ATE1: variants seen among roughly 807,000 people sequenced by gnomAD.
ATE1 encodes the protein arginyltransferase 1.
A neutral mutation model predicts 70.5 loss-of-function variants in ATE1; 36 were observed. That is an observed-to-expected ratio of 0.51 (90% CI 0.39 to 0.67). ATE1 has a LOEUF of 0.67. Among genes scored for constraint, ATE1 ranks in the 30% least tolerant of loss-of-function variants. ATE1 has a pLI of 0.00. For missense variants in ATE1, 593 were observed against 629.5 expected (o/e 0.94, Z 0.62); for synonymous variants, 232 against 219.3 (o/e 1.06, Z -0.51).
At chr10:121,769,271 G>C (rs1483332210) in intron 11 of ATE1, among the ~76,000 whole-genome samples, 3 of 152,266 alleles carry the variant, frequency 2.0e-5, no homozygotes, top group Non-Finnish European at 4.4e-5. Context: ...TTTTGACAAA[G>C]TTGCAAAAGT....
intron 3 of ATE1, 79 bp downstream of exon 3, chr10:121,922,270 A>G: frequency 9.7e-7 from 1 of 1,032,936 alleles, no homozygotes. Flanking sequence ...ATAAACATTA[A>G]AAAAGCACAA....
At chr10:121,780,630 A>T (rs1382002488) in intron 11 of ATE1, among the ~76,000 whole-genome samples, 2 of 152,146 alleles carry the variant, frequency 1.3e-5, no homozygotes, top group African/African-American at 4.8e-5. Flanking sequence ...ATGATTTACA[A>T]ACCCTTTACT....
At chr10:121,828,306 T>C (rs57634166) in intron 10 of ATE1, among the ~76,000 whole-genome samples, 14,098 of 152,230 alleles carry the variant, frequency 0.093, 2,063 homozygotes, top group African/African-American at 0.31. Context: ...CAGTCATCCA[T>C]TGCTGAGTAA....
intron 10 of ATE1, among the ~76,000 whole-genome samples, chr10:121,830,409 C>T (rs2133691101): frequency 6.6e-6 from 1 of 152,280 alleles, no homozygotes; most frequent in Admixed American, 6.5e-5. Context: ...GCTCCAGTCT[C>T]CCTTCTGTTT....
chr10:121,763,503 G>A (rs886525231), intron 11 of ATE1, among the ~76,000 whole-genome samples: 2 of 152,166 alleles, frequency 1.3e-5, no homozygotes, highest in African/African-American at 4.8e-5. Context: ...AATCTGAAGA[G>A]GCTATATTAC....
At chr10:121,901,523 C>T (rs1950981802) in intron 6 of ATE1, among the ~76,000 whole-genome samples, 1 of 152,056 alleles carries the variant, frequency 6.6e-6, no homozygotes, top group Non-Finnish European at 1.5e-5. Flanking sequence ...GTGGTGTGAT[C>T]TCAGCTCGCT....
intron 11 of ATE1, 136 bp downstream of exon 11, chr10:121,790,033 C>CACAT: frequency 7.7e-7 from 1 of 1,290,582 alleles, no homozygotes. Context: ...CTATCTTACA[C>CACAT]ACACACACAC....
intron 11 of ATE1, among the ~76,000 whole-genome samples, chr10:121,772,255 A>C (rs1314179931): frequency 1.3e-5 from 2 of 152,072 alleles, no homozygotes; most frequent in East Asian, 3.9e-4. Flanking sequence ...AGGGCCAACT[A>C]CCCGCTTTTA....
intron 7 of ATE1, among the ~76,000 whole-genome samples, chr10:121,872,657 C>T (rs1949902625): frequency 6.6e-6 from 1 of 151,700 alleles, no homozygotes; most frequent in African/African-American, 2.4e-5. Flanking sequence ...ATATACACTG[C>T]AATTGAAAGC....
chr10:121,755,500 T>C (rs1374014149), intron 11 of ATE1, among the ~76,000 whole-genome samples: 2 of 152,218 alleles, frequency 1.3e-5, no homozygotes, highest in African/African-American at 2.4e-5. Flanking sequence ...TCCTGTAAAT[T>C]TGAAATTTAA....
chr10:121,928,429 C>T (rs933681760), upstream of ATE1: 5 of 1,520,542 alleles, frequency 3.3e-6, no homozygotes, highest in African/African-American at 7.2e-5. Context: ...CCACCGACGC[C>T]ATGGCCGCCG....
chr10:121,743,641 T>C lies in ATE1; in HGVS notation c.*39A>G, dbSNP rs1944218559. ...TGAATATGTATCCTGGCACAAATCA[T>C]CAGCACAACACAGGAACTTCCCGGC... On this transcript the variant is annotated 3_prime_UTR_variant, in exon 12 of 12. Coordinates refer to ENST00000224652, the MANE Select transcript of ATE1 (RefSeq NM_001001976.3). 3.3e-6 allele frequency: 5 copies of C among 1,537,714 alleles called. No homozygotes were observed. Among genetic ancestry groups the C allele is most frequent in the Non-Finnish European group, 3.5e-6 (4 of 1,145,262 alleles).
At chr10:121,765,003 G>A (rs565288006) in intron 11 of ATE1, among the ~76,000 whole-genome samples, 1 of 152,274 alleles carries the variant, frequency 6.6e-6, no homozygotes, top group East Asian at 1.9e-4. Flanking sequence ...CACTTTTTTA[G>A]AACCACCAAG....
chr10:121,743,370 T>TA lies in ATE1; in HGVS notation c.*309dup, dbSNP rs1158614634. The TA allele has an allele frequency of 3.8e-6, 1 of 263,166 alleles. No homozygotes were observed. The highest frequency in any genetic ancestry group is 1.1e-4 in the East Asian group (1 of 9,434). The allele number at this position is 263,166 out of a possible 1,614,324, so 16.3% of individuals were successfully genotyped here. A position where few individuals can be genotyped will look rare whatever the true frequency, so the allele number is the denominator to read the frequency against. On this transcript the variant is annotated 3_prime_UTR_variant, in exon 12 of 12. Transcript: ENST00000224652. Reference sequence around the variant, plus strand: ...AATGCACAACTGTGATTAAGTTACTTAGATTCACTTCTTCATTTTACAAAA... The same window carrying TA: ...AATGCACAACTGTGATTAAGTTACTTAAGATTCACTTCTTCATTTTACAAAA...
intron 11 of ATE1, among the ~76,000 whole-genome samples, chr10:121,774,842 A>G (rs997326209): frequency 3.3e-5 from 5 of 151,878 alleles, no homozygotes; most frequent in Non-Finnish European, 5.9e-5. Context: ...GACCCCCCCC[A>G]AAAAAATGAA....
At chr10:121,924,415 G>T in intron 1 of ATE1, 86 bp from the exon 2 acceptor site, 1 of 1,308,604 alleles carries the variant, frequency 7.6e-7, no homozygotes, top group Non-Finnish European at 1.1e-6. Flanking sequence ...AAATAGGAGT[G>T]TGTGTCCGGG....
chr10:121,756,912 C>T (rs2420961), intron 11 of ATE1, among the ~76,000 whole-genome samples: 124,263 of 152,098 alleles, frequency 0.82, 51,188 homozygotes, highest in Non-Finnish European at 0.88. Flanking sequence ...CATTCCACTC[C>T]TTGTTACTTA....
intron 10 of ATE1, among the ~76,000 whole-genome samples, chr10:121,809,245 G>A (rs771707496): frequency 6.6e-5 from 10 of 151,700 alleles, no homozygotes; most frequent in South Asian, 2.1e-4. Context: ...TGCTACATTC[G>A]TTTTGAGAAA....
chr10:121,859,039 G>A (rs1394414750), intron 8 of ATE1, among the ~76,000 whole-genome samples: 5 of 151,860 alleles, frequency 3.3e-5, no homozygotes, highest in Admixed American at 6.6e-5. Context: ...AGGATGCTGT[G>A]AGCTGAGATC....
Sources: gnomAD v4.1 joint callset for allele counts (sites outside exome capture counted in the v4.1 genomes callset) on GRCh38, gnomAD v4.1.1 for gene constraint, MANE v1.5 for transcripts, NCBI Gene and HGNC (gene_info 2026-07-23, HGNC 2026-07-21) for gene names.